The following CHMP4B variants were observed in gnomAD, a reference collection of about 807,000 sequenced individuals.
CHMP4B encodes SNF7 homolog associated with Alix 1.
Under a neutral mutation model 25.1 loss-of-function variants are expected in CHMP4B, and 1 was observed. The ratio of observed to expected loss-of-function variants is 0.04; its 90% CI spans 0.01 to 0.19. The LOEUF (loss-of-function observed/expected upper bound fraction) is 0.19, where lower values mean the gene tolerates loss of function less well. Among genes scored for constraint, CHMP4B ranks in the 10% least tolerant of loss-of-function variants. The pLI is 1.00. For missense variants in CHMP4B, 151 were observed against 289.7 expected (o/e 0.52, Z 3.48); for synonymous variants, 101 against 115.6 (o/e 0.87, Z 0.81).
At chr20:33,836,298 T>C (rs1453951318) in intron 1 of CHMP4B, among the ~76,000 whole-genome samples, 1 of 152,126 alleles carries the variant, frequency 6.6e-6, no homozygotes, top group East Asian at 1.9e-4. Context: ...TGTCGTCCTA[T>C]ATTCTTTATG....
At chr20:33,811,857 T>TAA (rs1350861383) in intron 1 of CHMP4B, among the ~76,000 whole-genome samples, 199 bp downstream of exon 1, 1 of 152,084 alleles carries the variant, frequency 6.6e-6, no homozygotes, top group African/African-American at 2.4e-5. Context: ...ATCGTCAGAC[T>TAA]TATTCTGCCC....
chr20:33,830,759 A>G (rs1350494545), intron 1 of CHMP4B, among the ~76,000 whole-genome samples: 1 of 152,128 alleles, frequency 6.6e-6, no homozygotes, highest in Admixed American at 6.5e-5. Context: ...GGGGGGATAC[A>G]GGTCAGTCCA....
chr20:33,836,042 A>T (rs1979383879), intron 1 of CHMP4B, among the ~76,000 whole-genome samples: 1 of 152,218 alleles, frequency 6.6e-6, no homozygotes, highest in African/African-American at 2.4e-5. Flanking sequence ...GGCAGGGTCA[A>T]ACAAACCGTA....
At chr20:33,845,863 G>A (rs1193388233) in intron 1 of CHMP4B, among the ~76,000 whole-genome samples, 7 of 152,218 alleles carry the variant, frequency 4.6e-5, no homozygotes, top group Non-Finnish European at 7.3e-5. Context: ...GACTCTCCCA[G>A]GACCTCTTCC....
chr20:33,850,982 G>A lies in CHMP4B; in HGVS notation c.399G>A (p.Gln133=). ...MDIDKVDELM[Q]DIADQQELAE... The stretch of plus-strand genomic sequence containing the variant: ...TCGATAAAGTTGATGAGTTAATGCA[G>A]GACATTGCTGACCAGCAAGAACTTG... Residue 133 remains glutamine (Q), a synonymous_variant, in exon 3 of 5, where the codon CAG becomes CAA. Transcript: ENST00000217402. The A allele has an allele frequency of 6.2e-7, 1 of 1,613,964 alleles. No homozygotes were observed. The highest frequency in any genetic ancestry group is 8.5e-7 in the Non-Finnish European group (1 of 1,179,786).
At chr20:33,834,986 G>A (rs570932541) in intron 1 of CHMP4B, among the ~76,000 whole-genome samples, 12 of 152,094 alleles carry the variant, frequency 7.9e-5, no homozygotes, top group African/African-American at 2.9e-4. Flanking sequence ...TAGTAGAGAC[G>A]AGTTTCACCA....
intron 1 of CHMP4B, among the ~76,000 whole-genome samples, chr20:33,844,961 G>A (rs751185075): frequency 4.6e-5 from 7 of 152,012 alleles, no homozygotes; most frequent in Middle Eastern, 3.4e-3. Flanking sequence ...GGGTTTCACC[G>A]TGTTAGCCAG....
chr20:33,819,554 A>G (rs986889441), intron 1 of CHMP4B, among the ~76,000 whole-genome samples: 2 of 152,032 alleles, frequency 1.3e-5, no homozygotes, highest in Non-Finnish European at 2.9e-5. Context: ...TTCTAGCTCT[A>G]CCTCCTCCCT....
intron 1 of CHMP4B, among the ~76,000 whole-genome samples, chr20:33,842,505 G>T (rs2122807514): frequency 1.3e-5 from 2 of 152,336 alleles, no homozygotes; most frequent in Middle Eastern, 3.4e-3. Context: ...CTGAGTGATT[G>T]CTGGAGGCAG....
At chr20:33,838,713 GC>G (rs1979455636) in intron 1 of CHMP4B, among the ~76,000 whole-genome samples, 1 of 152,080 alleles carries the variant, frequency 6.6e-6, no homozygotes, top group Non-Finnish European at 1.5e-5. Context: ...AATGACTATG[GC>G]CCTCACTAAC....
At chr20:33,835,548 GT>G (rs1189610239) in intron 1 of CHMP4B, among the ~76,000 whole-genome samples, 2 of 152,256 alleles carry the variant, frequency 1.3e-5, no homozygotes, top group South Asian at 2.1e-4. Context: ...ATTTTGGATA[GT>G]TTTTATTGCT....
intron 1 of CHMP4B, among the ~76,000 whole-genome samples, chr20:33,842,459 G>GT (rs2122807471): frequency 6.6e-6 from 1 of 152,350 alleles, no homozygotes; most frequent in Non-Finnish European, 1.5e-5. Flanking sequence ...GAATATCTGA[G>GT]TTTATTCACT....
chr20:33,835,401 G>A (rs977204652), intron 1 of CHMP4B, among the ~76,000 whole-genome samples: 28 of 152,122 alleles, frequency 1.8e-4, no homozygotes, highest in Non-Finnish European at 2.9e-4. Flanking sequence ...ATTTTTGGCC[G>A]TTATTTCTTG....
intron 1 of CHMP4B, among the ~76,000 whole-genome samples, chr20:33,823,775 C>T (rs1037753533): frequency 4.3e-4 from 65 of 152,234 alleles, no homozygotes; most frequent in Non-Finnish European, 4.4e-5. Flanking sequence ...GAACTCCTGA[C>T]CTCAGGTGAT....
intron 1 of CHMP4B, 131 bp from the exon 2 acceptor site, chr20:33,848,336 T>G: frequency 1.1e-6 from 1 of 884,838 alleles, no homozygotes; most frequent in African/African-American, 1.7e-5. Context: ...TTGTGTAGAA[T>G]TTATGAATCC....
chr20:33,814,850 T>C (rs1199900587), intron 1 of CHMP4B, among the ~76,000 whole-genome samples: 1 of 152,160 alleles, frequency 6.6e-6, no homozygotes, highest in Non-Finnish European at 1.5e-5. Context: ...AAGGTCTCGC[T>C]CTGTTGCCCA....
At chr20:33,844,310 A>T (rs1039821505) in intron 1 of CHMP4B, among the ~76,000 whole-genome samples, 1 of 152,252 alleles carries the variant, frequency 6.6e-6, no homozygotes, top group Admixed American at 6.5e-5. Flanking sequence ...AGAACCCTGG[A>T]TAGAATACAT....
chr20:33,854,281 A>G lies in CHMP4B; in HGVS notation c.*721A>G, dbSNP rs979139695. The G allele has an allele frequency of 6.5e-6, 1 of 153,228 alleles. No homozygotes were observed. Among genetic ancestry groups the G allele is most frequent in the Non-Finnish European group, 1.5e-5 (1 of 68,498 alleles). The allele number at this position is 153,228 out of a possible 1,614,324, so 9.5% of individuals were successfully genotyped here. ...TGTTGCTGTTTGTGATAACTGATAG[A>G]TAACTCATTGGAAACGTGCATACAT... On this transcript the variant is annotated 3_prime_UTR_variant, in exon 5 of 5. Coordinates refer to ENST00000217402, the MANE Select transcript of CHMP4B (RefSeq NM_176812.5).
chr20:33,828,532 G>C (rs1157533772), intron 1 of CHMP4B, among the ~76,000 whole-genome samples: 1 of 152,156 alleles, frequency 6.6e-6, no homozygotes, highest in Non-Finnish European at 1.5e-5. Context: ...GCACAGCCGT[G>C]GTGGAGGATC....
Sources: gnomAD v4.1 joint callset for allele counts (sites outside exome capture counted in the v4.1 genomes callset) on GRCh38, gnomAD v4.1.1 for gene constraint, MANE v1.5 for transcripts, NCBI Gene and HGNC (gene_info 2026-07-23, HGNC 2026-07-21) for gene names.